Variants in NPEPL1 observed in about 807,000 individuals in gnomAD.
NPEPL1 encodes the protein aminopeptidase like 1, also known as probable aminopeptidase NPEPL1.
In NPEPL1, 45 loss-of-function variants were observed where a neutral mutation model predicts 52.4. That is an observed-to-expected ratio of 0.86 (90% CI 0.68 to 1.10). The LOEUF is 1.10. Among genes scored for constraint, NPEPL1 ranks in the 50% least tolerant of loss-of-function variants. NPEPL1 has a pLI of 0.00. For missense variants in NPEPL1, 696 were observed against 710.9 expected, an observed-to-expected ratio of 0.98 and a Z score of 0.24; for synonymous variants, 360 against 314.7, an observed-to-expected ratio of 1.14 and a Z score of -1.52.
chr20:58,707,656 C>T lies in NPEPL1; in HGVS notation c.900+456C>T, dbSNP rs539187120. On this transcript the variant is annotated intron_variant, in intron 7 of 11. Transcript: ENST00000356091. ...CTGGCCAGGCCCCCTTCCTCTCTTG[C>T]GTGGGCAGGTGCCCCAATGCTTAGC... Among the ~76,000 whole-genome samples, 15 of 134,894 alleles carry T rather than the reference C, an allele frequency of 1.1e-4. 1 individual carries two copies. In the Admixed American group the frequency reaches 1.1e-3, roughly 10 times the overall value. The allele number at this position is 134,894 out of a possible 152,430, so 88.5% of individuals were successfully genotyped here.
intron 5 of NPEPL1, among the ~76,000 whole-genome samples, chr20:58,700,163 CA>C (rs957117077): frequency 6.6e-6 from 1 of 152,258 alleles, no homozygotes; most frequent in African/African-American, 2.4e-5. Context: ...AAAGAGCGAG[CA>C]AACAAGATGG....
chr20:58,692,040 C>CA, upstream of NPEPL1: 5 of 589,496 alleles, frequency 8.5e-6, no homozygotes, highest in South Asian at 2.1e-5. The surrounding 1 kb of genome is among the most constrained non-coding windows in gnomAD (Gnocchi z 5.7). Context: ...ACTCAGGTCA[C>CA]CCTGCTCCTT....
chr20:58,701,246 GT>G (rs2084612454), intron 6 of NPEPL1, 88 bp downstream of exon 6: 2 of 300,438 alleles, frequency 6.7e-6, no homozygotes, highest in African/African-American at 6.0e-5. Flanking sequence ...TGCCCTGGGG[GT>G]GGGGTGGGGT....
chr20:58,689,820 CAA>C (rs1331031396), upstream of NPEPL1, among the ~76,000 whole-genome samples: 1 of 129,502 alleles, frequency 7.7e-6, no homozygotes, highest in African/African-American at 4.2e-5. Context: ...TGCACATGCA[CAA>C]ACACACACAC....
intron 3 of NPEPL1, among the ~76,000 whole-genome samples, chr20:58,697,810 G>A (rs1046525273): frequency 1.6e-4 from 25 of 152,232 alleles, no homozygotes; most frequent in African/African-American, 6.0e-4. Flanking sequence ...ACATGAGAAG[G>A]CAAAGAATGG....
At chr20:58,710,825 GTC>G (rs1448671578) in intron 7 of NPEPL1, 1 of 152,408 alleles carries the variant, frequency 6.6e-6, no homozygotes, top group African/African-American at 2.4e-5. Flanking sequence ...TGCCTGTGCT[GTC>G]TCTGTCTCAC....
upstream of NPEPL1, chr20:58,691,709 T>TTTA: frequency 1.4e-6 from 1 of 710,818 alleles, no homozygotes; most frequent in Non-Finnish European, 2.2e-6. Context: ...TTTTTTTTTT[T>TTTA]TTTTTCATTT....
intron 3 of NPEPL1, among the ~76,000 whole-genome samples, chr20:58,694,939 CAT>C (rs776689734): frequency 1.7e-5 from 2 of 116,158 alleles, no homozygotes; most frequent in African/African-American, 6.4e-5. Flanking sequence ...TGTGCGTGCA[CAT>C]GTGTGTTGCT....
intron 8 of NPEPL1, chr20:58,712,818 C>A: frequency 1.6e-6 from 1 of 630,378 alleles, no homozygotes; most frequent in South Asian, 1.6e-5. Flanking sequence ...GGCCCAGGAG[C>A]TCGTGGTCTA....
At chr20:58,712,969 C>T (rs749101833) in intron 8 of NPEPL1, 20 of 375,706 alleles carry the variant, frequency 5.3e-5, no homozygotes, top group Non-Finnish European at 2.1e-5. Flanking sequence ...CAAAGCTGAG[C>T]TGGCAGCTGA....
Position 58,713,930 on chromosome 20 carries a change from G to A in NPEPL1, c.1139G>A (p.Gly380Glu), listed in dbSNP as rs549957676. 3 of 1,490,060 alleles carry A rather than the reference G, an allele frequency of 2.0e-6. No individual in the cohort carries two copies. The highest frequency in any genetic ancestry group is 2.9e-5 in the African/African-American group (2 of 69,784). The allele number at this position is 1,490,060 out of a possible 1,614,324, so 92.3% of individuals were successfully genotyped here. Residue 380 changes from glycine to glutamate, a missense_variant, in exon 10 of 12, where the codon GGG (glycine) becomes GAG (glutamate). Transcript: ENST00000356091. The surrounding 1 kb of genome is among the most constrained non-coding windows in gnomAD (Gnocchi z 4.6). The stretch of plus-strand genomic sequence containing the variant: ...CTGCCCGCCCAGGGCATTGCCACAG[G>A]GAAGTACCACGCCGCGGTGCTCACC... ...TLTGAQGIATGKYHAAVLTNS... is the reference protein window; with the variant it reads ...TLTGAQGIATEKYHAAVLTNS...
At chr20:58,705,375 C>A in intron 6 of NPEPL1, 1 of 434,206 alleles carries the variant, frequency 2.3e-6, no homozygotes, top group Non-Finnish European at 4.7e-6. Context: ...AGCAGGAGTA[C>A]ATTATGAGTC....
chr20:58,701,340 G>A (rs1344899179), intron 6 of NPEPL1, among the ~76,000 whole-genome samples, 182 bp downstream of exon 6: 6 of 137,872 alleles, frequency 4.4e-5, no homozygotes, highest in Non-Finnish European at 9.6e-5. Flanking sequence ...GGGAGGGGAA[G>A]GTGAGGTGCC....
In NPEPL1 at chr20:58,715,615, T is replaced by G; in HGVS notation, c.*289T>G. On this transcript the variant is annotated 3_prime_UTR_variant, in exon 12 of 12. Transcript: ENST00000356091. ...TTCTGCACCCCGGGGTGAGGCCTCC[T>G]GCCTGCCTGGTGCCCTGTCCCAGCC... The G allele has an allele frequency of 2.6e-5, 7 of 266,798 alleles. No homozygotes were observed. The highest frequency in any genetic ancestry group is 2.0e-4 in the East Asian group (2 of 9,852). The allele number at this position is 266,798 out of a possible 1,614,324, so 16.5% of individuals were successfully genotyped here. A position where few individuals can be genotyped will look rare whatever the true frequency, so the allele number is the denominator to read the frequency against.
At chr20:58,696,212 C>T (rs978956206) in intron 3 of NPEPL1, among the ~76,000 whole-genome samples, 3 of 152,224 alleles carry the variant, frequency 2.0e-5, no homozygotes, top group Non-Finnish European at 4.4e-5. Flanking sequence ...TCCTGCTGTC[C>T]CTTAGACTGG....
upstream of NPEPL1, among the ~76,000 whole-genome samples, chr20:58,690,813 A>C (rs2084331751): frequency 6.6e-6 from 1 of 152,176 alleles, no homozygotes; most frequent in East Asian, 1.9e-4. Context: ...TGACCTCTCC[A>C]CCAACAGTTT....
intron 6 of NPEPL1, 77 bp from the exon 7 acceptor site, chr20:58,707,046 T>TGGG (rs2084748837): frequency 1.8e-6 from 2 of 1,110,014 alleles, no homozygotes; most frequent in Non-Finnish European, 2.4e-6. Context: ...TGGGGCCGGG[T>TGGG]GGGGGTGGGG....
At chr20:58,705,934 C>T (rs1184987803) in intron 6 of NPEPL1, among the ~76,000 whole-genome samples, 2 of 152,198 alleles carry the variant, frequency 1.3e-5, no homozygotes, top group East Asian at 3.8e-4. Context: ...GTCATTTTCA[C>T]TCAATTATAA....
chr20:58,698,904 G>A (rs549369323), intron 4 of NPEPL1, 131 bp downstream of exon 4: 21 of 761,998 alleles, frequency 2.8e-5, no homozygotes, highest in African/African-American at 8.7e-5. Context: ...TGCCCTCGGC[G>A]GAGCGCTGCT....
Sources: gnomAD v4.1 joint callset for allele counts (sites outside exome capture counted in the v4.1 genomes callset) on GRCh38, gnomAD v4.1.1 for gene constraint, Gnocchi (gnomAD v3.1) non-coding constraint, MANE v1.5 for transcripts, NCBI Gene and HGNC (gene_info 2026-07-23, HGNC 2026-07-21) for gene names.